Variants in IL4I1 observed in about 807,000 individuals in gnomAD.
IL4I1 encodes L-amino-acid oxidase.
IL4I1 carries 24 observed loss-of-function variants against 29.7 expected under a neutral mutation model. That is an observed-to-expected ratio of 0.81 (90% CI 0.59 to 1.14). IL4I1 has a LOEUF of 1.14. Ranked by LOEUF, IL4I1 falls within the 50% of genes most tolerant of loss-of-function variation. IL4I1 has a pLI of 0.00. For missense variants in IL4I1, 686 were observed against 785.6 expected, an observed-to-expected ratio of 0.87 and a Z score of 1.52; for synonymous variants, 371 against 352.5, an observed-to-expected ratio of 1.05 and a Z score of -0.59.
At chr19:49,909,084 G>A (rs112691127) in intron 2 of IL4I1, 4 of 1,612,576 alleles carry the variant, frequency 2.5e-6, no homozygotes, top group Non-Finnish European at 3.4e-6. Flanking sequence ...GTGGTCACAG[G>A]GGTACAGAGG....
At chr19:49,927,491 G>A (rs911206195) in intron 2 of IL4I1, among the ~76,000 whole-genome samples, 1 of 152,122 alleles carries the variant, frequency 6.6e-6, no homozygotes. Flanking sequence ...CCCACGGGTG[G>A]GACAAGCTCA....
In IL4I1 at chr19:49,921,642, C is replaced by T. The variant is rs2075767803; in HGVS notation, c.-228+6052G>A. Among the ~76,000 whole-genome samples the T allele has an allele frequency of 6.6e-6, 1 of 152,216 alleles. No individual in the cohort carries two copies. Among genetic ancestry groups the T allele is most frequent in the Non-Finnish European group, 1.5e-5 (1 of 68,040 alleles). On this transcript the variant is annotated intron_variant, in intron 2 of 9. Coordinates refer to the IL4I1 transcript ENST00000341114. This position sits in a 1 kb window ranked among gnomAD's most constrained non-coding sequence, Gnocchi z 5.4. ...GGCTAAGGCCTGGCGCTCTGATGGC[C>T]GCTGACCTCAAAACTCTCCATGGGG...
rs769411926 is a variant in IL4I1 at position 49,909,199 on chromosome 19, T to C, written c.-227-4878A>G. 3.7e-6 allele frequency: 6 copies of C among 1,614,030 alleles called. No individual in the cohort carries two copies. Among genetic ancestry groups the C allele is most frequent in the Non-Finnish European group, 5.1e-6 (6 of 1,180,002 alleles). On this transcript the variant is annotated intron_variant, in intron 2 of 9. Transcript: ENST00000341114. The stretch of plus-strand genomic sequence containing the variant: ...CTGTGGGTGTGGGAGCAGCTGGCTG[T>C]GTGGCACCTGCTGTGGTGGCTGCTG...
chr19:49,895,707 ATC>A, intron 3 of IL4I1, 106 bp downstream of exon 3: 19 of 513,068 alleles, frequency 3.7e-5, no homozygotes, highest in Middle Eastern at 7.2e-4. Context: ...CTCCCCCCAC[ATC>A]CCCACCTCCA....
intron 2 of IL4I1, among the ~76,000 whole-genome samples, chr19:49,910,511 G>A (rs2075437045): frequency 6.6e-6 from 1 of 152,184 alleles, no homozygotes; most frequent in Admixed American, 6.5e-5. Context: ...GCCCCTGGCT[G>A]CAGTGATTGG....
At chr19:49,911,766 G>C (rs1269971342) in intron 2 of IL4I1, among the ~76,000 whole-genome samples, 1 of 152,226 alleles carries the variant, frequency 6.6e-6, no homozygotes, top group Non-Finnish European at 1.5e-5. Context: ...CACTAAGCCA[G>C]TCTCTCCGGG....
chr19:49,895,802 C>A lies in IL4I1; in HGVS notation c.252+13G>T, dbSNP rs1226419892. The stretch of plus-strand genomic sequence containing the variant: ...GGAGGGACTCCAGGTAGACTGCAAG[C>A]AGTGCTTCCCACCTTGTGTCCAGCA... On this transcript the variant is annotated intron_variant, in intron 3 of 7. Transcript: ENST00000391826. 2 of 1,613,052 alleles carry A rather than the reference C, an allele frequency of 1.2e-6. No individual in the cohort carries two copies. The highest frequency in any genetic ancestry group is 3.3e-5 in the Admixed American group (2 of 59,968).
rs1274650773 is a variant in IL4I1, at chr19:49,896,186, G to C, written c.-22-4C>G. 1 of 1,484,198 alleles carries C rather than the reference G, an allele frequency of 6.7e-7. No homozygotes were observed. The allele number at this position is 1,484,198 out of a possible 1,614,324, so 91.9% of individuals were successfully genotyped here. A position where few individuals can be genotyped will look rare whatever the true frequency, so the allele number is the denominator to read the frequency against. ...GACTCTCGGTGGGAGATGGTGTCTGGGGTGGAGGAGAAGGGAGGGCTGTTG... is the reference window on the plus strand; with the variant it reads ...GACTCTCGGTGGGAGATGGTGTCTGCGGTGGAGGAGAAGGGAGGGCTGTTG... On this transcript the variant is annotated splice_region_variant and splice_polypyrimidine_tract_variant and intron_variant, in intron 1 of 7. Coordinates refer to ENST00000391826, the MANE Select transcript of IL4I1 (RefSeq NM_152899.2).
chr19:49,895,775 C>A (rs1157590015), intron 3 of IL4I1, 40 bp downstream of exon 3: 1 of 1,599,878 alleles, frequency 6.3e-7, no homozygotes, highest in Admixed American at 1.7e-5. Flanking sequence ...CAGCCTGCAG[C>A]AGGAGGGACT....
At chr19:49,894,018 A>T (rs1177100648) in intron 5 of IL4I1, among the ~76,000 whole-genome samples, 3 of 134,316 alleles carry the variant, frequency 2.2e-5, no homozygotes, top group Non-Finnish European at 4.8e-5. Flanking sequence ...AAAAGAAGGG[A>T]GTTGAGAGAT....
At chr19:49,898,225 A>C (rs149418957), upstream of IL4I1, among the ~76,000 whole-genome samples, 2,751 of 152,272 alleles carry the variant, frequency 0.018, 92 homozygotes, top group African/African-American at 0.064. Flanking sequence ...GGAGGCTGGG[A>C]CAGGAGAATT....
intron 2 of IL4I1, among the ~76,000 whole-genome samples, chr19:49,914,802 C>T (rs2075582737): frequency 1.6e-5 from 2 of 122,100 alleles, no homozygotes; most frequent in East Asian, 2.9e-4. Flanking sequence ...TGTGGTGGTG[C>T]GATCTTGGCT....
Position 49,903,835 on chromosome 19 carries a change from T to TTG in IL4I1, c.-105+363_-105+364insCA, listed in dbSNP as rs199587538. Among the ~76,000 whole-genome samples, 737 of 120,634 alleles carry TTG rather than the reference T, an allele frequency of 6.1e-3. 30 individuals carry two copies. Among genetic ancestry groups the TTG allele is most frequent in the African/African-American group, 0.019 (588 of 31,446 alleles). The allele number at this position is 120,634 out of a possible 152,430, so 79.1% of individuals were successfully genotyped here. Reference sequence around the variant, plus strand: ...TATACTGTTATATGTGCTGGGTTTTTTTTTTTTTTTTTTTTTTTTTTGAGA... The same window carrying TTG: ...TATACTGTTATATGTGCTGGGTTTTTTGTTTTTTTTTTTTTTTTTTTTTGAGA... On this transcript the variant is annotated intron_variant, in intron 3 of 9. Transcript: ENST00000341114.
chr19:49,895,515 C>T (rs569839546), intron 3 of IL4I1, among the ~76,000 whole-genome samples: 3 of 152,316 alleles, frequency 2.0e-5, no homozygotes, highest in South Asian at 2.1e-4. Context: ...GGCACACATC[C>T]CCTTGGTAGA....
intron 5 of IL4I1, among the ~76,000 whole-genome samples, chr19:49,891,998 T>C (rs556789721): frequency 6.6e-6 from 1 of 152,088 alleles, no homozygotes; most frequent in South Asian, 2.1e-4. Context: ...ACAGCCCTCC[T>C]GTAGCTCCCC....
chr19:49,913,419 G>A (rs1600517424), intron 2 of IL4I1, among the ~76,000 whole-genome samples: 1 of 152,322 alleles, frequency 6.6e-6, no homozygotes, highest in East Asian at 1.9e-4. Context: ...TTGACGCTGT[G>A]ACCTAGAGTG....
At chr19:49,909,376 G>A in intron 2 of IL4I1, 3 of 1,613,548 alleles carry the variant, frequency 1.9e-6, no homozygotes, top group East Asian at 4.5e-5. Context: ...AGGTGGTGGA[G>A]GGGCCAAACA....
chr19:49,891,136 G>A (rs762191055), intron 6 of IL4I1, 29 bp from the exon 7 acceptor site: 2 of 1,604,390 alleles, frequency 1.2e-6, no homozygotes, highest in Admixed American at 3.4e-5. Flanking sequence ...CCGAGGTTAG[G>A]GCCCAGGCAG....
At chr19:49,907,374 C>A in intron 2 of IL4I1, 1 of 339,128 alleles carries the variant, frequency 2.9e-6, no homozygotes. Flanking sequence ...GGTTCCTCAA[C>A]ACCCTGTGTG....
Sources: allele counts gnomAD v4.1 joint callset (sites outside exome capture counted in the v4.1 genomes callset), GRCh38; gene constraint gnomAD v4.1.1; non-coding constraint Gnocchi (gnomAD v3.1); transcripts MANE v1.5; gene names NCBI Gene and HGNC (gene_info 2026-07-23, HGNC 2026-07-21).